Variants in PRDM16 observed in about 807,000 individuals in gnomAD.
The protein encoded by PRDM16 is histone-lysine N-methyltransferase PRDM16.
A neutral mutation model predicts 110.6 loss-of-function variants in PRDM16; 23 were observed. That is an observed-to-expected ratio of 0.21 (90% CI 0.15 to 0.29). The LOEUF (loss-of-function observed/expected upper bound fraction) is 0.29, where lower values mean the gene tolerates loss of function less well. Ranked by LOEUF, PRDM16 falls within the 10% of genes least tolerant of loss-of-function variation. The pLI is 1.00. For synonymous variants in PRDM16, 799 were observed against 781.8 expected, an observed-to-expected ratio of 1.02 and a Z score of -0.37; for missense variants, 1,615 against 1,794.3, an observed-to-expected ratio of 0.90 and a Z score of 1.81.
intron 3 of PRDM16, among the ~76,000 whole-genome samples, chr1:3,282,765 C>A (rs1379226150): frequency 6.6e-6 from 1 of 152,186 alleles, no homozygotes; most frequent in Non-Finnish European, 1.5e-5. Context: ...GGAGGAGACA[C>A]TGTTGTCCGT....
At chr1:3,396,199 G>A in intron 4 of PRDM16, 1 of 491,280 alleles carries the variant, frequency 2.0e-6, no homozygotes, top group Non-Finnish European at 4.0e-6. Context: ...GCGGGGCTCT[G>A]CTGTGCCCCC....
chr1:3,167,042 C>A (rs1181825249), intron 1 of PRDM16, among the ~76,000 whole-genome samples: 1 of 152,168 alleles, frequency 6.6e-6, no homozygotes, highest in African/African-American at 2.4e-5. Context: ...GAAGGACTCC[C>A]AGGGAGGTGC....
At chr1:3,368,775 G>A (rs1642860882) in intron 3 of PRDM16, among the ~76,000 whole-genome samples, 1 of 152,152 alleles carries the variant, frequency 6.6e-6, no homozygotes, top group Admixed American at 6.5e-5. Flanking sequence ...CATCTCTGCA[G>A]CTCCCTCCAG....
At chr1:3,389,956 C>G (rs930371513) in intron 4 of PRDM16, among the ~76,000 whole-genome samples, 5 of 127,794 alleles carry the variant, frequency 3.9e-5, no homozygotes, top group Non-Finnish European at 8.9e-5. Flanking sequence ...TGCGCCCCCC[C>G]CCCCCCCCCA....
chr1:3,167,540 T>A (rs1432173284), intron 1 of PRDM16, among the ~76,000 whole-genome samples: 2 of 151,906 alleles, frequency 1.3e-5, no homozygotes, highest in East Asian at 3.9e-4. Context: ...CGGAGCCTCC[T>A]CCCAGCGCCT....
chr1:3,305,378 G>A (rs1276043587), intron 3 of PRDM16, among the ~76,000 whole-genome samples: 15 of 152,180 alleles, frequency 9.9e-5, no homozygotes, highest in African/African-American at 3.6e-4. Context: ...GGGGGCCCAG[G>A]TGCCCAGGCC....
In PRDM16 at chr1:3,412,569, G is replaced by C. The variant is rs1569732779; in HGVS notation, c.2372G>C (p.Gly791Ala). The C allele has an allele frequency of 6.2e-7, 1 of 1,608,356 alleles. No individual in the cohort carries two copies. The highest frequency in any genetic ancestry group is 1.3e-5 in the African/African-American group (1 of 74,880). Residue 791 changes from glycine to alanine, a missense_variant, in exon 9 of 17, where the codon GGC (glycine) becomes GCC (alanine). Transcript: ENST00000270722. ...AAGCCCATCCTGCCCATGCCCAAGG[G>C]CCCCTCGGCCCCCGCATCCGGCGAG... ...DVKPILPMPK[G>A]PSAPASGEEQ...
chr1:3,420,592 G>C (rs2493284), intron 12 of PRDM16, among the ~76,000 whole-genome samples: 1 of 152,164 alleles, frequency 6.6e-6, no homozygotes, highest in Admixed American at 6.5e-5. Context: ...ACCTGAAATC[G>C]TTCAGAATGT....
chr1:3,274,010 G>A (rs1419085484), intron 3 of PRDM16, among the ~76,000 whole-genome samples: 1 of 145,288 alleles, frequency 6.9e-6, no homozygotes, highest in Non-Finnish European at 1.5e-5. Context: ...GCCACTGAAA[G>A]GGAACCAGCC....
chr1:3,193,061 G>T (rs968623253), intron 2 of PRDM16, among the ~76,000 whole-genome samples: 1 of 151,838 alleles, frequency 6.6e-6, no homozygotes, highest in African/African-American at 2.4e-5. Context: ...CAGACACAGC[G>T]GCCAGATGGT....
intron 3 of PRDM16, among the ~76,000 whole-genome samples, chr1:3,366,157 G>T (rs1375344138): frequency 6.6e-6 from 1 of 152,220 alleles, no homozygotes; most frequent in African/African-American, 2.4e-5. Flanking sequence ...CCGATGTGCC[G>T]ACAGCCGGAG....
chr1:3,163,263 G>T (rs1643914236), intron 1 of PRDM16, among the ~76,000 whole-genome samples: 1 of 101,212 alleles, frequency 9.9e-6, no homozygotes, highest in Non-Finnish European at 1.9e-5. Flanking sequence ...GGCTTTGGGA[G>T]AGGGGATGTG....
chr1:3,086,225 C>T (rs923805307), intron 1 of PRDM16, among the ~76,000 whole-genome samples: 8 of 152,142 alleles, frequency 5.3e-5, no homozygotes, highest in African/African-American at 1.9e-4. Flanking sequence ...GCCTTAAAAA[C>T]CATAAGGTGC....
chr1:3,139,244 G>A (rs1569661506), intron 1 of PRDM16, among the ~76,000 whole-genome samples: 1 of 152,198 alleles, frequency 6.6e-6, no homozygotes, highest in East Asian at 1.9e-4. Flanking sequence ...TGGAACTGGG[G>A]GTGTTGGAAC....
chr1:3,428,222 CACT>C (rs1261555590), intron 14 of PRDM16, among the ~76,000 whole-genome samples: 25 of 146,130 alleles, frequency 1.7e-4, no homozygotes, highest in African/African-American at 6.0e-4. Flanking sequence ...AGCCCGGCCG[CACT>C]GCAGGAGACC....
chr1:3,412,144 T>C lies in PRDM16; in HGVS notation c.1947T>C (p.Phe649=), dbSNP rs1369460161. 22 of 1,561,316 alleles carry C rather than the reference T, an allele frequency of 1.4e-5. No individual in the cohort carries two copies. In the Admixed American group the frequency reaches 4.2e-4, roughly 30 times the overall value. ...KGKSAEGQPK[F]GGGLAPPGAP... ...AGTCCGCCGAGGGCCAGCCCAAGTT[T>C]GGGGGCGGCTTGGCGCCCCCGGGGG... Residue 649 remains phenylalanine, a synonymous_variant, in exon 9 of 17, where the codon TTT becomes TTC. Coordinates refer to ENST00000270722, the MANE Select transcript of PRDM16 (RefSeq NM_022114.4).
Position 3,430,959 on chromosome 1 carries a change from T to C in PRDM16, c.3372T>C (p.Asp1124=), listed in dbSNP as rs772750340. 4 of 1,613,124 alleles carry C rather than the reference T, an allele frequency of 2.5e-6. No homozygotes were observed. Among genetic ancestry groups the C allele is most frequent in the South Asian group, 1.1e-5 (1 of 90,892 alleles). ...AGGACGTGGAGGAGGAGGACGACGA[T>C]GACCTGGAGGAGGACGATGAGGACA... The part of the protein sequence containing the change: ...KQEDVEEEDD[D]DLEEDDEDSL... Residue 1124 remains aspartate, a synonymous_variant, in exon 15 of 17, where the codon GAT becomes GAC. Coordinates refer to ENST00000270722, the MANE Select transcript of PRDM16 (RefSeq NM_022114.4).
intron 3 of PRDM16, among the ~76,000 whole-genome samples, chr1:3,378,719 C>T (rs548167770): frequency 2.0e-5 from 3 of 152,182 alleles, no homozygotes; most frequent in Admixed American, 2.0e-4. Flanking sequence ...GAGGAGGCAG[C>T]GGTCAGGGCA....
intron 7 of PRDM16, 149 bp from the exon 8 acceptor site, chr1:3,405,346 G>A (rs1327985758): frequency 4.6e-6 from 4 of 864,662 alleles, no homozygotes; most frequent in Admixed American, 3.3e-5. Context: ...GCTACACAGA[G>A]ACCTGTCCCG....
Sources: allele counts gnomAD v4.1 joint callset (sites outside exome capture counted in the v4.1 genomes callset), GRCh38; gene constraint gnomAD v4.1.1; transcripts MANE v1.5; gene names NCBI Gene and HGNC (gene_info 2026-07-23, HGNC 2026-07-21).